SORCS1: variants seen among roughly 807,000 people sequenced by gnomAD.
SORCS1 encodes the protein sortilin related VPS10 domain containing receptor 1.
SORCS1 carries 60 observed loss-of-function variants against 146.1 expected under a neutral mutation model. The observed-to-expected ratio is 0.41, with a 90% confidence interval of 0.33 to 0.51. The LOEUF is 0.51. Ranked by LOEUF, SORCS1 falls within the 20% of genes least tolerant of loss-of-function variation. SORCS1 has a pLI of 0.21. For missense variants in SORCS1, 1,352 were observed against 1,487.6 expected, an observed-to-expected ratio of 0.91 and a Z score of 1.50; for synonymous variants, 637 against 584.0, an observed-to-expected ratio of 1.09 and a Z score of -1.31.
At chr10:107,099,559 A>G (rs1964776341) in intron 1 of SORCS1, among the ~76,000 whole-genome samples, 1 of 152,226 alleles carries the variant, frequency 6.6e-6, no homozygotes. Flanking sequence ...AATCACACTT[A>G]ATAGTCTATT....
intron 3 of SORCS1, among the ~76,000 whole-genome samples, chr10:106,780,293 T>A (rs1214537316): frequency 6.6e-6 from 1 of 152,200 alleles, no homozygotes; most frequent in African/African-American, 2.4e-5. Flanking sequence ...TGCCTAACAA[T>A]CCCTATTTTT....
At chr10:106,936,299 T>C (rs1183742216) in intron 2 of SORCS1, among the ~76,000 whole-genome samples, 1 of 152,142 alleles carries the variant, frequency 6.6e-6, no homozygotes, top group Non-Finnish European at 1.5e-5. Context: ...AACAAGATGG[T>C]TGCTAACTAT....
chr10:106,859,816 T>G (rs921306935), intron 2 of SORCS1, among the ~76,000 whole-genome samples: 1 of 152,204 alleles, frequency 6.6e-6, no homozygotes, highest in African/African-American at 2.4e-5. Flanking sequence ...TGTATTACAT[T>G]TACATGCGTT....
chr10:106,903,455 T>TATAA (rs1354498407), intron 2 of SORCS1, among the ~76,000 whole-genome samples: 1 of 152,220 alleles, frequency 6.6e-6, no homozygotes, highest in African/African-American at 2.4e-5. Context: ...TGTTACAGAA[T>TATAA]ATAAATCTAC....
intron 24 of SORCS1, among the ~76,000 whole-genome samples, chr10:106,594,429 C>A (rs1436872449): frequency 6.6e-6 from 1 of 152,156 alleles, no homozygotes; most frequent in Admixed American, 6.5e-5. Flanking sequence ...TCATTTCAAT[C>A]ATTTATCGTT....
At chr10:106,582,395 A>T (rs1317112383) in intron 24 of SORCS1, among the ~76,000 whole-genome samples, 1 of 152,202 alleles carries the variant, frequency 6.6e-6, no homozygotes, top group African/African-American at 2.4e-5. Flanking sequence ...GGCAGGAAGC[A>T]GGAAGCAGGA....
At chr10:106,596,227 C>T (rs1049471789) in intron 24 of SORCS1, among the ~76,000 whole-genome samples, 7 of 152,148 alleles carry the variant, frequency 4.6e-5, no homozygotes, top group African/African-American at 1.7e-4. Flanking sequence ...GCCAATTCTT[C>T]CCATCCCACA....
intron 2 of SORCS1, among the ~76,000 whole-genome samples, chr10:106,850,260 C>T (rs1032556262): frequency 6.6e-5 from 10 of 152,054 alleles, no homozygotes; most frequent in South Asian, 2.1e-4. Flanking sequence ...GAGGACCCTC[C>T]GAGCCAGGTG....
chr10:106,722,381 T>C (rs1855847967), intron 6 of SORCS1, among the ~76,000 whole-genome samples: 1 of 152,136 alleles, frequency 6.6e-6, no homozygotes, highest in Non-Finnish European at 1.5e-5. Context: ...GAAACTAGGT[T>C]GGAAAGCTGG....
intron 18 of SORCS1, among the ~76,000 whole-genome samples, chr10:106,642,405 A>G (rs1385078190): frequency 1.3e-5 from 2 of 152,226 alleles, no homozygotes; most frequent in Admixed American, 6.5e-5. Flanking sequence ...TACAGGCATC[A>G]GAAGCATGAT....
At chr10:107,174,836 T>C in the SORCS1 span, among the ~76,000 whole-genome samples, 2 of 152,174 alleles carry the variant, frequency 1.3e-5, no homozygotes, top group African/African-American at 4.8e-5. Flanking sequence ...TTTAAAATAT[T>C]GTATGGGGAA....
intron 3 of SORCS1, among the ~76,000 whole-genome samples, chr10:106,807,957 G>T (rs1947268606): frequency 6.6e-6 from 1 of 152,236 alleles, no homozygotes; most frequent in South Asian, 2.1e-4. Context: ...AAGCCTCTCA[G>T]ATTGAGATCA....
chr10:106,784,021 C>T (rs1371564163), intron 3 of SORCS1, among the ~76,000 whole-genome samples: 1 of 152,008 alleles, frequency 6.6e-6, no homozygotes, highest in African/African-American at 2.4e-5. Context: ...GGAGAAATTG[C>T]TATTATTAAT....
intron 1 of SORCS1, among the ~76,000 whole-genome samples, chr10:107,154,618 TAAG>T (rs1429997893): frequency 5.9e-5 from 9 of 152,256 alleles, no homozygotes; most frequent in African/African-American, 2.2e-4. Flanking sequence ...ACAGGGATGC[TAAG>T]AAGATTAGGA....
chr10:107,079,790 C>T (rs1331227847), intron 1 of SORCS1, among the ~76,000 whole-genome samples: 1 of 152,134 alleles, frequency 6.6e-6, no homozygotes, highest in East Asian at 1.9e-4. Flanking sequence ...AGAAACATCA[C>T]CAAAAGGAGA....
intron 1 of SORCS1, among the ~76,000 whole-genome samples, chr10:107,143,521 T>G (rs1968024042): frequency 6.6e-6 from 1 of 152,088 alleles, no homozygotes. Context: ...TTTTTCTTTT[T>G]GAGATGGAAT....
chr10:106,882,981 A>G (rs933591820), intron 2 of SORCS1, among the ~76,000 whole-genome samples: 1 of 152,150 alleles, frequency 6.6e-6, no homozygotes, highest in Admixed American at 6.6e-5. Context: ...CCCCACATAC[A>G]CATTATATAA....
At chr10:106,622,335 A>G (rs995228346) in intron 19 of SORCS1, among the ~76,000 whole-genome samples, 5 of 150,212 alleles carry the variant, frequency 3.3e-5, no homozygotes, top group African/African-American at 1.2e-4. Context: ...TCCAATTATG[A>G]TAATAATGAT....
At chr10:107,073,869 G>C (rs570943511) in intron 1 of SORCS1, among the ~76,000 whole-genome samples, 10 of 152,026 alleles carry the variant, frequency 6.6e-5, no homozygotes, top group Non-Finnish European at 5.9e-5. Context: ...ACCTGGGCTT[G>C]GACTTTTTTT....
Sources: gnomAD v4.1 joint callset for allele counts (sites outside exome capture counted in the v4.1 genomes callset) on GRCh38, gnomAD v4.1.1 for gene constraint, MANE v1.5 for transcripts, NCBI Gene and HGNC (gene_info 2026-07-23, HGNC 2026-07-21) for gene names.